The following TNFAIP8L3 variants were observed in gnomAD, a reference collection of about 807,000 sequenced individuals.
TNFAIP8L3 encodes TNF alpha induced protein 8 like 3.
Under a neutral mutation model 11.8 loss-of-function variants are expected in TNFAIP8L3, and 7 were observed. The observed-to-expected ratio is 0.59, with a 90% CI of 0.34 to 1.11. The LOEUF (loss-of-function observed/expected upper bound fraction) is 1.11. Ranked by LOEUF, TNFAIP8L3 falls within the 50% of genes most tolerant of loss-of-function variation. The pLI, the probability that TNFAIP8L3 is intolerant of heterozygous loss-of-function variation, is 0.03. For synonymous variants in TNFAIP8L3, 98 were observed against 103.8 expected (o/e 0.94, Z 0.34); for missense variants, 219 against 258.6 (o/e 0.85, Z 1.05).
intron 1 of TNFAIP8L3, among the ~76,000 whole-genome samples, chr15:51,070,026 T>C (rs1268665462): frequency 6.6e-6 from 1 of 152,268 alleles, no homozygotes; most frequent in East Asian, 1.9e-4. Context: ...TAGAACATAC[T>C]CATCAAGACT....
intron 1 of TNFAIP8L3, among the ~76,000 whole-genome samples, chr15:51,081,062 T>C (rs2065388329): frequency 6.6e-6 from 1 of 152,174 alleles, no homozygotes; most frequent in African/African-American, 2.4e-5. Context: ...GCTTTTAAGA[T>C]TTTTGCTTCG....
At chr15:51,064,528 AT>A (rs2065258589) in intron 1 of TNFAIP8L3, 1 of 152,164 alleles carries the variant, frequency 6.6e-6, no homozygotes, top group Non-Finnish European at 1.5e-5. Context: ...TCTGGTATGC[AT>A]TATAGGAAAT....
intron 1 of TNFAIP8L3, among the ~76,000 whole-genome samples, chr15:51,078,317 G>T (rs2065369153): frequency 6.6e-6 from 1 of 150,916 alleles, no homozygotes; most frequent in Non-Finnish European, 1.5e-5. Flanking sequence ...GGTTCTAAAG[G>T]CTGTTTCCGG....
At chr15:51,088,916 A>G (rs1297897263) in intron 1 of TNFAIP8L3, among the ~76,000 whole-genome samples, 2 of 152,164 alleles carry the variant, frequency 1.3e-5, no homozygotes, top group Admixed American at 1.3e-4. Flanking sequence ...GTTCCTTGAA[A>G]TGACTTGCCT....
At chr15:51,077,874 C>T (rs1375707447) in intron 1 of TNFAIP8L3, among the ~76,000 whole-genome samples, 1 of 152,174 alleles carries the variant, frequency 6.6e-6, no homozygotes, top group East Asian at 1.9e-4. Flanking sequence ...GTTAGCAGGA[C>T]CACTTATTTT....
intron 1 of TNFAIP8L3, among the ~76,000 whole-genome samples, chr15:51,067,391 A>G (rs528140254): frequency 6.6e-6 from 1 of 152,358 alleles, no homozygotes; most frequent in South Asian, 2.1e-4. Flanking sequence ...TGCCACAGGA[A>G]GCAGGCAGCT....
At chr15:51,101,648 AAGAC>A (rs1038233813) in intron 1 of TNFAIP8L3, among the ~76,000 whole-genome samples, 18 of 151,268 alleles carry the variant, frequency 1.2e-4, no homozygotes, top group African/African-American at 2.2e-4. Context: ...GAAAGAAAGA[AAGAC>A]AGAAAATATG....
At chr15:51,097,136 C>G (rs2065519071), upstream of TNFAIP8L3, among the ~76,000 whole-genome samples, 1 of 152,096 alleles carries the variant, frequency 6.6e-6, no homozygotes, top group South Asian at 2.1e-4. Flanking sequence ...TTCCCTGTTT[C>G]CTTAGACCTC....
chr15:51,103,667 T>C (rs2065569343), intron 1 of TNFAIP8L3, among the ~76,000 whole-genome samples: 1 of 152,260 alleles, frequency 6.6e-6, no homozygotes, highest in Non-Finnish European at 1.5e-5. Context: ...TTAGTTGTAC[T>C]GTGAACTGTG....
exon 1 of TNFAIP8L3, chr15:51,105,191 C>T (rs1284568697): frequency 1.9e-6 from 3 of 1,612,372 alleles, no homozygotes; most frequent in East Asian, 2.2e-5. Flanking sequence ...ACTCAGGTGT[C>T]CTTCTTGGGA....
intron 1 of TNFAIP8L3, among the ~76,000 whole-genome samples, chr15:51,087,148 G>A (rs1053353518): frequency 1.3e-5 from 2 of 152,160 alleles, no homozygotes; most frequent in African/African-American, 4.8e-5. Context: ...GATTACAGGC[G>A]TGAGCCACTG....
intron 1 of TNFAIP8L3, among the ~76,000 whole-genome samples, chr15:51,060,485 G>T (rs954180914): frequency 3.3e-5 from 5 of 152,186 alleles, no homozygotes; most frequent in African/African-American, 1.2e-4. Flanking sequence ...AACTGCCCAA[G>T]AATAAGTCTT....
At chr15:51,102,394 T>G (rs1331553051) in intron 1 of TNFAIP8L3, among the ~76,000 whole-genome samples, 5 of 152,242 alleles carry the variant, frequency 3.3e-5, no homozygotes. Flanking sequence ...AGTTCAATAA[T>G]GCTTACTCAC....
At chr15:51,092,561 C>G (rs1244565124) in intron 1 of TNFAIP8L3, among the ~76,000 whole-genome samples, 1 of 152,320 alleles carries the variant, frequency 6.6e-6, no homozygotes, top group African/African-American at 2.4e-5. Context: ...GTGTGAGATT[C>G]AAGCACACGC....
chr15:51,062,928 G>A (rs1377673242), intron 1 of TNFAIP8L3, among the ~76,000 whole-genome samples: 2 of 152,156 alleles, frequency 1.3e-5, no homozygotes, highest in African/African-American at 4.8e-5. Context: ...AAGTGGGAGA[G>A]TGAGTTAGAG....
At chr15:51,091,960 T>A (rs1470149583) in intron 1 of TNFAIP8L3, among the ~76,000 whole-genome samples, 3 of 152,248 alleles carry the variant, frequency 2.0e-5, no homozygotes, top group African/African-American at 7.2e-5. Flanking sequence ...ACCTCTCGTG[T>A]TATTATACTG....
upstream of TNFAIP8L3, among the ~76,000 whole-genome samples, chr15:51,098,059 TA>T (rs1233609182): frequency 5.9e-5 from 9 of 152,204 alleles, no homozygotes; most frequent in African/African-American, 1.7e-4. Context: ...GGTCATTTCT[TA>T]ACTAGAGTGA....
At position 51,058,289 on chromosome 15, in the gene TNFAIP8L3, G is replaced by A; in HGVS notation, c.207C>T (p.His69=). 1 of 1,614,060 alleles carries A rather than the reference G, an allele frequency of 6.2e-7. No homozygotes were observed. Among genetic ancestry groups the A allele is most frequent in the Admixed American group, 1.7e-5 (1 of 60,006 alleles). ...ELYKVTKEHT[H]NKKEAHKIMK... ...TGATCTTGTGGGCTTCCTTCTTGTT[G>A]TGTGTGTGCTCTTTGGTGACTTTGT... Residue 69 remains histidine (H), a synonymous_variant, in exon 2 of 2, where the codon CAC becomes CAT. Transcript: ENST00000637513.
At chr15:51,058,924 G>C (rs575593851) in intron 1 of TNFAIP8L3, among the ~76,000 whole-genome samples, 5 of 152,356 alleles carry the variant, frequency 3.3e-5, no homozygotes, top group African/African-American at 1.2e-4. Context: ...TTTTGACTGA[G>C]TCTCAGAACC....
Sources: allele counts gnomAD v4.1 joint callset (sites outside exome capture counted in the v4.1 genomes callset), GRCh38; gene constraint gnomAD v4.1.1; transcripts MANE v1.5; gene names NCBI Gene and HGNC (gene_info 2026-07-23, HGNC 2026-07-21).